PEX14: variants seen among roughly 807,000 people sequenced by gnomAD.
The protein encoded by PEX14 is peroxisomal biogenesis factor 14.
PEX14 carries 15 observed loss-of-function variants against 49.5 expected under a neutral mutation model. The observed-to-expected ratio is 0.30, with a 90% confidence interval of 0.20 to 0.47. The LOEUF is 0.47. PEX14 is among the 20% of genes least tolerant of loss of function. The pLI is 1.00. For synonymous variants in PEX14, 210 were observed against 212.7 expected (o/e 0.99, Z 0.11); for missense variants, 398 against 494.8 (o/e 0.80, Z 1.86).
intron 4 of PEX14, among the ~76,000 whole-genome samples, chr1:10,617,833 C>A (rs987900457): frequency 6.6e-6 from 1 of 152,186 alleles, no homozygotes. Context: ...TACCACAGCC[C>A]ACCCCCGTGC....
chr1:10,516,046 A>G (rs930701781), intron 2 of PEX14, among the ~76,000 whole-genome samples: 4 of 152,336 alleles, frequency 2.6e-5, no homozygotes, highest in Non-Finnish European at 5.9e-5. Flanking sequence ...GACTGATGCT[A>G]CTGTTTTTTC....
At chr1:10,517,077 G>T (rs1267015494) in intron 2 of PEX14, 4 of 152,344 alleles carry the variant, frequency 2.6e-5, no homozygotes, top group African/African-American at 9.7e-5. Context: ...GCCTTGACCA[G>T]TGACTGTCTT....
chr1:10,578,337 G>A (rs1323453004), intron 3 of PEX14, among the ~76,000 whole-genome samples: 1 of 152,110 alleles, frequency 6.6e-6, no homozygotes, highest in Non-Finnish European at 1.5e-5. Context: ...TCCCAGAAGG[G>A]CTACCCCTTA....
At chr1:10,486,851 T>C (rs1641378234) in intron 1 of PEX14, among the ~76,000 whole-genome samples, 1 of 152,114 alleles carries the variant, frequency 6.6e-6, no homozygotes. Flanking sequence ...CATGCTTGGC[T>C]AATTTTTTTG....
At chr1:10,504,709 C>A (rs574106573) in intron 2 of PEX14, among the ~76,000 whole-genome samples, 1 of 149,024 alleles carries the variant, frequency 6.7e-6, no homozygotes, top group Non-Finnish European at 1.5e-5. Context: ...TTGATTGATT[C>A]CTTTTCCTTT....
chr1:10,547,727 A>G (rs543172967), intron 3 of PEX14, among the ~76,000 whole-genome samples: 1 of 152,312 alleles, frequency 6.6e-6, no homozygotes, highest in Non-Finnish European at 1.5e-5. Flanking sequence ...CTGAGACTGC[A>G]AAAAGCAAAA....
Position 10,629,708 on chromosome 1 carries a change from C to T in PEX14, c.855C>T (p.Gly285=). Residue 285 remains glycine, a synonymous_variant, in exon 9 of 9, where the codon GGC becomes GGT. Transcript: ENST00000356607. This position sits in a 1 kb window ranked among gnomAD's most constrained non-coding sequence, Gnocchi z 8.5. ...GGAAGGAGGGCCACAGCCCCGAGGGCTCCACGGTCACCTACCACTTGCTGG... is the reference window on the plus strand; with the variant it reads ...GGAAGGAGGGCCACAGCCCCGAGGGTTCCACGGTCACCTACCACTTGCTGG... The part of the protein sequence containing the change: ...SPGKEGHSPE[G]STVTYHLLGP... 6.2e-7 allele frequency: 1 copy of T among 1,609,612 alleles called. No individual in the cohort carries two copies. Among genetic ancestry groups the T allele is most frequent in the Non-Finnish European group, 8.5e-7 (1 of 1,178,008 alleles).
chr1:10,572,657 C>G (rs780213180), intron 3 of PEX14, among the ~76,000 whole-genome samples: 1 of 150,292 alleles, frequency 6.7e-6, no homozygotes, highest in African/African-American at 2.4e-5. Flanking sequence ...GTCTTAGCCT[C>G]CCGAGTAGCT....
In PEX14 at chr1:10,630,314, A is replaced by G. The variant is rs1453944050; in HGVS notation, c.*327A>G. On this transcript the variant is annotated 3_prime_UTR_variant, in exon 9 of 9. Coordinates refer to ENST00000356607, the MANE Select transcript of PEX14 (RefSeq NM_004565.3). The surrounding 1 kb of genome is among the most constrained non-coding windows in gnomAD (Gnocchi z 4.1). ...CCTCTCCCGGACAGACGCCTTGCCC[A>G]GGGTGTGTTTGCTGAGTGTCTTGAC... 4.5e-6 allele frequency: 2 copies of G among 447,300 alleles called. No individual in the cohort carries two copies. Among genetic ancestry groups the G allele is most frequent in the Non-Finnish European group, 8.1e-6 (2 of 247,672 alleles). 27.7% of individuals were successfully genotyped at this position (447,300 alleles called of 1,614,324 possible).
rs34930866 is a variant in PEX14, at chr1:10,613,631, C to T, written c.299-4701C>T. On this transcript the variant is annotated intron_variant, in intron 4 of 8. Transcript: ENST00000356607. The surrounding 1 kb of genome is among the most constrained non-coding windows in gnomAD (Gnocchi z 5.0). Reference sequence around the variant, plus strand: ...CTGGTGAGGAACCCCTGCCACGCAGCTAGGGCGCCGGTCCTTAGACAGCTG... The same window carrying T: ...CTGGTGAGGAACCCCTGCCACGCAGTTAGGGCGCCGGTCCTTAGACAGCTG... Among the ~76,000 whole-genome samples, 1 of 152,338 alleles carries T rather than the reference C, an allele frequency of 6.6e-6. No homozygotes were observed. Among genetic ancestry groups the T allele is most frequent in the Non-Finnish European group, 1.5e-5 (1 of 68,034 alleles).
Position 10,495,120 on chromosome 1 carries a change from G to C in PEX14, c.37-154G>C. On this transcript the variant is annotated intron_variant, in intron 1 of 8. Transcript: ENST00000356607. This position sits in a 1 kb window ranked among gnomAD's most constrained non-coding sequence, Gnocchi z 4.2. Reference sequence around the variant, plus strand: ...CTCTTTGGGCTACTTTTTACAGGTAGTCCACTGCAAAATACTCTTGTGTCG... The same window carrying C: ...CTCTTTGGGCTACTTTTTACAGGTACTCCACTGCAAAATACTCTTGTGTCG... 2 of 984,564 alleles carry C rather than the reference G, an allele frequency of 2.0e-6. No individual in the cohort carries two copies. The highest frequency in any genetic ancestry group is 2.4e-6 in the Non-Finnish European group (2 of 829,150). 61.0% of individuals were successfully genotyped at this position (984,564 alleles called of 1,614,324 possible).
At chr1:10,547,266 C>G (rs1639203814) in intron 3 of PEX14, among the ~76,000 whole-genome samples, 1 of 152,188 alleles carries the variant, frequency 6.6e-6, no homozygotes, top group South Asian at 2.1e-4. Flanking sequence ...CTCAGTGTTT[C>G]CAATATCCTG....
rs1641170834 is a variant in PEX14, at chr1:10,475,099, C to T, written c.36+97C>T. The T allele has an allele frequency of 2.4e-6, 3 of 1,231,462 alleles. No individual in the cohort carries two copies. In the South Asian group the frequency reaches 3.9e-5, roughly 16 times the overall value. 76.3% of individuals were successfully genotyped at this position (1,231,462 alleles called of 1,614,324 possible). On this transcript the variant is annotated intron_variant, in intron 1 of 8. Transcript: ENST00000356607. ...GAGCCGGGTAGGGACCCCGAGTCTCCGAAGCTGGGGACCCCGACCTCTTGC... is the reference window on the plus strand; with the variant it reads ...GAGCCGGGTAGGGACCCCGAGTCTCTGAAGCTGGGGACCCCGACCTCTTGC...
chr1:10,592,012 C>G (rs1208155305), intron 3 of PEX14, among the ~76,000 whole-genome samples: 1 of 44,908 alleles, frequency 2.2e-5, no homozygotes, highest in Non-Finnish European at 5.0e-5. Flanking sequence ...ATTTTTCTTG[C>G]AGTTCTGAAT....
intron 2 of PEX14, among the ~76,000 whole-genome samples, chr1:10,507,745 A>C (rs1417893447): frequency 6.6e-6 from 1 of 152,224 alleles, no homozygotes; most frequent in Non-Finnish European, 1.5e-5. Context: ...TGGAATCCGC[A>C]TAAGTAAAGA....
chr1:10,571,579 C>T (rs1250797190), intron 3 of PEX14, among the ~76,000 whole-genome samples: 6 of 152,002 alleles, frequency 3.9e-5, no homozygotes, highest in Non-Finnish European at 8.8e-5. Flanking sequence ...GAGGCCGAGG[C>T]GGGCGGATCA....
At chr1:10,489,508 G>A (rs975191352) in intron 1 of PEX14, among the ~76,000 whole-genome samples, 1 of 152,158 alleles carries the variant, frequency 6.6e-6, no homozygotes, top group Non-Finnish European at 1.5e-5. Context: ...GCCCTGTGAG[G>A]ACACTCCAGT....
chr1:10,569,514 G>A (rs1180136512), intron 3 of PEX14, among the ~76,000 whole-genome samples: 1 of 152,114 alleles, frequency 6.6e-6, no homozygotes, highest in African/African-American at 2.4e-5. Context: ...CGATGACTCT[G>A]GGAAGACCCT....
In PEX14 at chr1:10,539,209, T is replaced by C. The variant is rs1295504886; in HGVS notation, c.169+2912T>C. ...GGTGGGGGTGCTGGGTGAGGGTGAG[T>C]AGGGAATGAGTGGTATAGGGATGGA... is the stretch of plus-strand genomic sequence containing the variant. On this transcript the variant is annotated intron_variant, in intron 3 of 8. Coordinates refer to ENST00000356607, the MANE Select transcript of PEX14 (RefSeq NM_004565.3). The surrounding 1 kb of genome is among the most constrained non-coding windows in gnomAD (Gnocchi z 4.6). Among the ~76,000 whole-genome samples the C allele has an allele frequency of 6.6e-6, 1 of 151,654 alleles. No homozygotes were observed. Among genetic ancestry groups the C allele is most frequent in the Non-Finnish European group, 1.5e-5 (1 of 67,942 alleles).
Sources: gnomAD v4.1 joint callset for allele counts (sites outside exome capture counted in the v4.1 genomes callset) on GRCh38, gnomAD v4.1.1 for gene constraint, Gnocchi (gnomAD v3.1) non-coding constraint, MANE v1.5 for transcripts, NCBI Gene and HGNC (gene_info 2026-07-23, HGNC 2026-07-21) for gene names.